BRINP3: variants seen among roughly 807,000 people sequenced by gnomAD.
The protein encoded by BRINP3 is BMP/retinoic acid-inducible neural-specific protein 3.
Under a neutral mutation model 71.0 loss-of-function variants are expected in BRINP3, and 19 were observed. That is an observed-to-expected ratio of 0.27 (90% CI 0.19 to 0.39). The LOEUF (loss-of-function observed/expected upper bound fraction) is 0.39, where lower values mean the gene tolerates loss of function less well. Ranked by LOEUF, BRINP3 falls within the 10% of genes least tolerant of loss-of-function variation. The pLI is 1.00. For missense variants in BRINP3, 959 were observed against 940.8 expected (o/e 1.02, Z -0.25); for synonymous variants, 380 against 337.7 (o/e 1.13, Z -1.37).
At position 190,427,158 on chromosome 1, in the gene BRINP3, G is replaced by A. The variant is rs1348812508; in HGVS notation, c.236+27497C>T. ...ACTTATATTTATCTAATTTCTATGG[G>A]TATGAAAAACTAGACATATTTATAA... is the stretch of plus-strand genomic sequence containing the variant. On this transcript the variant is annotated intron_variant, in intron 2 of 7. Coordinates refer to ENST00000367462, the MANE Select transcript of BRINP3 (RefSeq NM_199051.3). 2.0e-5 allele frequency among the ~76,000 whole-genome samples: 3 copies of A among 151,858 alleles called. No homozygotes were observed. In the South Asian group the frequency reaches 6.2e-4, roughly 31 times the overall value.
At chr1:190,221,983 C>A (rs972741106) in intron 6 of BRINP3, among the ~76,000 whole-genome samples, 7 of 151,834 alleles carry the variant, frequency 4.6e-5, no homozygotes, top group African/African-American at 1.5e-4. Flanking sequence ...GAATTTAACA[C>A]CCTCGTATCA....
intron 3 of BRINP3, among the ~76,000 whole-genome samples, chr1:190,269,406 A>C (rs1287202296): frequency 2.0e-5 from 3 of 152,108 alleles, no homozygotes; most frequent in Non-Finnish European, 4.4e-5. Context: ...AAGGACATAA[A>C]ACATTCATGA....
chr1:190,136,784 C>G (rs1442819287), intron 7 of BRINP3, among the ~76,000 whole-genome samples: 1 of 151,922 alleles, frequency 6.6e-6, no homozygotes, highest in African/African-American at 2.4e-5. Flanking sequence ...TAATAGGAAG[C>G]AAATGTAAAC....
At chr1:190,392,937 A>G (rs1033697971) in intron 2 of BRINP3, among the ~76,000 whole-genome samples, 1 of 151,696 alleles carries the variant, frequency 6.6e-6, no homozygotes, top group African/African-American at 2.4e-5. Flanking sequence ...CAGTTACTAT[A>G]CTTTGTAGTT....
chr1:190,127,947 G>T (rs969592344), intron 7 of BRINP3, among the ~76,000 whole-genome samples: 2 of 151,690 alleles, frequency 1.3e-5, no homozygotes, highest in Admixed American at 6.6e-5. Context: ...AATAGGATAG[G>T]GAAAGAAAAG....
intron 2 of BRINP3, among the ~76,000 whole-genome samples, chr1:190,309,144 T>A (rs140574893): frequency 7.4e-4 from 113 of 151,906 alleles, no homozygotes; most frequent in African/African-American, 2.7e-3. Flanking sequence ...TACTACGGCA[T>A]GTGTGAATCT....
chr1:190,165,957 T>A (rs980840359), intron 6 of BRINP3, among the ~76,000 whole-genome samples: 1 of 152,144 alleles, frequency 6.6e-6, no homozygotes, highest in Non-Finnish European at 1.5e-5. Context: ...TAACCCTTAG[T>A]AGAACTGGTA....
At chr1:190,410,693 T>TAA (rs1192417893) in intron 2 of BRINP3, among the ~76,000 whole-genome samples, 5 of 152,204 alleles carry the variant, frequency 3.3e-5, no homozygotes, top group African/African-American at 1.2e-4. Flanking sequence ...TATGTTGTTT[T>TAA]AAAAAACAAG....
intron 2 of BRINP3, among the ~76,000 whole-genome samples, chr1:190,289,333 A>G (rs1450474400): frequency 6.6e-6 from 1 of 151,976 alleles, no homozygotes; most frequent in East Asian, 1.9e-4. Context: ...GATTTTTCCC[A>G]CATAGTTGAG....
chr1:190,259,500 A>G (rs1660976154), intron 4 of BRINP3, among the ~76,000 whole-genome samples: 1 of 151,850 alleles, frequency 6.6e-6, no homozygotes, highest in Non-Finnish European at 1.5e-5. Context: ...ATTAAAGAGC[A>G]TGTATGAAAA....
At chr1:190,341,770 G>C (rs1667673254) in intron 2 of BRINP3, among the ~76,000 whole-genome samples, 1 of 151,718 alleles carries the variant, frequency 6.6e-6, no homozygotes, top group Non-Finnish European at 1.5e-5. Flanking sequence ...AACATACACA[G>C]ACACAGACAT....
At chr1:190,444,069 C>T (rs565455804) in intron 2 of BRINP3, among the ~76,000 whole-genome samples, 1 of 151,966 alleles carries the variant, frequency 6.6e-6, no homozygotes, top group East Asian at 1.9e-4. Context: ...CCTGTCTCTA[C>T]TAAAAGTACA....
chr1:190,423,158 G>A (rs1392839843), intron 2 of BRINP3, among the ~76,000 whole-genome samples: 1 of 151,620 alleles, frequency 6.6e-6, no homozygotes, highest in African/African-American at 2.4e-5. Context: ...GGAGGCATTC[G>A]AGACATGTAT....
intron 4 of BRINP3, among the ~76,000 whole-genome samples, chr1:190,256,384 T>C (rs966050116): frequency 1.3e-5 from 2 of 152,196 alleles, no homozygotes; most frequent in African/African-American, 4.8e-5. Context: ...TATGTGTCTC[T>C]GCACATGAGA....
intron 7 of BRINP3, 138 bp downstream of exon 7, chr1:190,160,530 T>C (rs1446782006): frequency 6.4e-6 from 4 of 627,880 alleles, no homozygotes; most frequent in Non-Finnish European, 1.1e-5. Flanking sequence ...TTTGAGACAA[T>C]ATATTGTTTT....
chr1:190,383,440 A>G (rs1218722047), intron 2 of BRINP3, among the ~76,000 whole-genome samples: 1 of 152,058 alleles, frequency 6.6e-6, no homozygotes, highest in African/African-American at 2.4e-5. Context: ...AAGAACTACT[A>G]TCTAAATTCT....
chr1:190,404,373 T>C (rs2102373754), intron 2 of BRINP3, among the ~76,000 whole-genome samples: 1 of 152,264 alleles, frequency 6.6e-6, no homozygotes, highest in South Asian at 2.1e-4. Flanking sequence ...AATTTTGTAT[T>C]GATGGACAAA....
intron 2 of BRINP3, among the ~76,000 whole-genome samples, chr1:190,311,569 G>T (rs963616174): frequency 6.6e-6 from 1 of 151,502 alleles, no homozygotes; most frequent in Non-Finnish European, 1.5e-5. Context: ...TTTGATCATA[G>T]AATCTGGGAA....
chr1:190,201,642 C>G (rs994636116), intron 6 of BRINP3, among the ~76,000 whole-genome samples: 3 of 152,208 alleles, frequency 2.0e-5, no homozygotes, highest in Non-Finnish European at 2.9e-5. Context: ...GGCCCAAGGT[C>G]ACATGCTGTG....
Sources: gnomAD v4.1 joint callset for allele counts (sites outside exome capture counted in the v4.1 genomes callset) on GRCh38, gnomAD v4.1.1 for gene constraint, MANE v1.5 for transcripts, NCBI Gene and HGNC (gene_info 2026-07-23, HGNC 2026-07-21) for gene names.